Variants in ULK4 observed in about 807,000 individuals in gnomAD.
ULK4 encodes unc-51 like kinase 4, also known as inactive serine/threonine-protein kinase ULK4.
ULK4 carries 133 observed loss-of-function variants against 160.6 expected under a neutral mutation model. The observed-to-expected ratio is 0.83, with a 90% CI of 0.72 to 0.96. The LOEUF is 0.96. ULK4 is among the 40% of genes least tolerant of loss of function. The pLI is 0.00. For synonymous variants in ULK4, 534 were observed against 539.8 expected (o/e 0.99, Z 0.15); for missense variants, 1,580 against 1,499.5 (o/e 1.05, Z -0.89).
At chr3:41,295,047 G>A (rs1461216012) in intron 35 of ULK4, among the ~76,000 whole-genome samples, 1 of 152,142 alleles carries the variant, frequency 6.6e-6, no homozygotes, top group African/African-American at 2.4e-5. Context: ...ACTTCAAGAT[G>A]TACTAAAAAG....
At chr3:41,638,660 A>C (rs549698355) in intron 30 of ULK4, among the ~76,000 whole-genome samples, 3 of 152,242 alleles carry the variant, frequency 2.0e-5, no homozygotes, top group Admixed American at 2.0e-4. Context: ...GTGCTCTTTA[A>C]TTACATGGCT....
chr3:41,487,795 T>C (rs1406424440), intron 32 of ULK4, among the ~76,000 whole-genome samples: 2 of 152,222 alleles, frequency 1.3e-5, no homozygotes, highest in Admixed American at 6.5e-5. Context: ...AAGTTTCTAA[T>C]TGCTACATGA....
intron 12 of ULK4, among the ~76,000 whole-genome samples, chr3:41,905,161 C>A (rs1467812297): frequency 1.3e-5 from 2 of 152,080 alleles, no homozygotes; most frequent in Admixed American, 6.6e-5. Context: ...AGAACAGAAT[C>A]CAGAAATAAA....
At chr3:41,630,754 C>T (rs1355148432) in intron 30 of ULK4, among the ~76,000 whole-genome samples, 1 of 152,162 alleles carries the variant, frequency 6.6e-6, no homozygotes, top group Non-Finnish European at 1.5e-5. Context: ...CAGTTCCCTT[C>T]CCCCTGCCTC....
intron 31 of ULK4, among the ~76,000 whole-genome samples, chr3:41,567,928 C>T (rs563935133): frequency 6.6e-6 from 1 of 152,284 alleles, no homozygotes; most frequent in African/African-American, 2.4e-5. Context: ...CTCATGTTAA[C>T]ATCTTACCCT....
chr3:41,651,294 T>C (rs556844527), intron 30 of ULK4, among the ~76,000 whole-genome samples: 1 of 152,154 alleles, frequency 6.6e-6, no homozygotes, highest in Non-Finnish European at 1.5e-5. Flanking sequence ...TCCTCAATCC[T>C]ACATTTCACC....
At chr3:41,844,790 TAAAA>T (rs35532895) in intron 17 of ULK4, among the ~76,000 whole-genome samples, 4 of 125,056 alleles carry the variant, frequency 3.2e-5, no homozygotes, top group African/African-American at 5.8e-5. Flanking sequence ...GAGGTTTTTC[TAAAA>T]AAAAAAAAAA....
intron 31 of ULK4, among the ~76,000 whole-genome samples, chr3:41,575,046 T>G (rs1386806700): frequency 6.6e-6 from 1 of 152,182 alleles, no homozygotes; most frequent in Non-Finnish European, 1.5e-5. Flanking sequence ...AGACAGCAGA[T>G]GCAGGGGTGT....
At chr3:41,485,293 C>G (rs1201613979) in intron 32 of ULK4, among the ~76,000 whole-genome samples, 2 of 152,010 alleles carry the variant, frequency 1.3e-5, no homozygotes, top group African/African-American at 4.8e-5. Flanking sequence ...ATGCAACAAA[C>G]AAACAAAAAA....
At chr3:41,905,047 TA>T (rs1187893831) in intron 12 of ULK4, among the ~76,000 whole-genome samples, 4 of 152,200 alleles carry the variant, frequency 2.6e-5, no homozygotes, top group African/African-American at 9.6e-5. Context: ...AAAACCACCT[TA>T]AAAATTTTTT....
intron 34 of ULK4, among the ~76,000 whole-genome samples, chr3:41,429,001 C>T (rs934215028): frequency 6.6e-6 from 1 of 151,840 alleles, no homozygotes; most frequent in East Asian, 1.9e-4. Context: ...TTTTTTCAAT[C>T]TATCCGTCAG....
intron 33 of ULK4, among the ~76,000 whole-genome samples, chr3:41,460,437 A>G (rs12488792): frequency 0.53 from 80,595 of 151,612 alleles, 21,572 homozygotes; most frequent in East Asian, 0.66. Context: ...CACACATGCA[A>G]TAAGATGACG....
At chr3:41,426,761 A>G (rs576450854) in intron 34 of ULK4, among the ~76,000 whole-genome samples, 2 of 152,298 alleles carry the variant, frequency 1.3e-5, no homozygotes, top group South Asian at 4.2e-4. Context: ...GGAGGCAGTT[A>G]AAGCAGTGTT....
At chr3:41,887,515 C>T (rs1697766171) in intron 16 of ULK4, among the ~76,000 whole-genome samples, 1 of 152,026 alleles carries the variant, frequency 6.6e-6, no homozygotes, top group South Asian at 2.1e-4. Context: ...AAAGCCTAAA[C>T]ACTTGTGAAA....
intron 17 of ULK4, among the ~76,000 whole-genome samples, chr3:41,840,445 A>G (rs1417268027): frequency 6.6e-6 from 1 of 152,018 alleles, no homozygotes; most frequent in Non-Finnish European, 1.5e-5. Context: ...CCGTGGTCTC[A>G]GCTCGCTGCA....
At chr3:41,494,267 G>A (rs2084905098) in intron 32 of ULK4, among the ~76,000 whole-genome samples, 1 of 109,246 alleles carries the variant, frequency 9.2e-6, no homozygotes, top group Non-Finnish European at 2.0e-5. Flanking sequence ...ATGCAAGGCT[G>A]GTTCAATATA....
chr3:41,782,414 C>A lies in ULK4; in HGVS notation c.2193+7247G>T, dbSNP rs142668749. On this transcript the variant is annotated intron_variant, in intron 21 of 36. Coordinates refer to ENST00000301831, the MANE Select transcript of ULK4 (RefSeq NM_017886.4). ...TCTGCGCTCAAATTTAGAACAGAGA[C>A]ACAGCTTTCAACAACCCAAAAATAA... 3.2e-3 allele frequency among the ~76,000 whole-genome samples: 482 copies of A among 152,202 alleles called. 2 individuals are homozygous for A. The highest frequency in any genetic ancestry group is 5.1e-3 in the Non-Finnish European group (346 of 68,006).
intron 29 of ULK4, among the ~76,000 whole-genome samples, chr3:41,667,603 T>A (rs59680127): frequency 2.7e-5 from 4 of 150,596 alleles, no homozygotes; most frequent in Non-Finnish European, 5.9e-5. Flanking sequence ...AGCTGGCCCA[T>A]TCTGATGGAC....
At chr3:41,762,399 T>A (rs902131887) in intron 21 of ULK4, among the ~76,000 whole-genome samples, 5 of 152,026 alleles carry the variant, frequency 3.3e-5, no homozygotes, top group African/African-American at 1.2e-4. Context: ...TTTTTAAGTT[T>A]AAAAAATAAG....
Sources: gnomAD v4.1 joint callset for allele counts (sites outside exome capture counted in the v4.1 genomes callset) on GRCh38, gnomAD v4.1.1 for gene constraint, MANE v1.5 for transcripts, NCBI Gene and HGNC (gene_info 2026-07-23, HGNC 2026-07-21) for gene names.